ACACA: variants seen among roughly 807,000 people sequenced by gnomAD.
ACACA encodes the protein acetyl-CoA carboxylase 1.
A neutral mutation model predicts 296.1 loss-of-function variants in ACACA; 103 were observed. The ratio of observed to expected loss-of-function variants is 0.35; its 90% CI spans 0.30 to 0.41. The LOEUF (loss-of-function observed/expected upper bound fraction) is 0.41, where lower values mean the gene tolerates loss of function less well. Ranked by LOEUF, ACACA falls within the 10% of genes least tolerant of loss-of-function variation. ACACA has a pLI of 1.00. For synonymous variants in ACACA, 953 were observed against 1,038.6 expected (o/e 0.92, Z 1.58); for missense variants, 1,554 against 2,989.7 (o/e 0.52, Z 11.20).
intron 15 of ACACA, 104 bp downstream of exon 15, chr17:37,252,781 GA>G: frequency 6.7e-7 from 1 of 1,486,754 alleles, no homozygotes; most frequent in Non-Finnish European, 9.3e-7. Context: ...GGTAGATCAA[GA>G]ACCATTTACA....
intron 7 of ACACA, 143 bp from the exon 8 acceptor site, chr17:37,276,192 G>A (rs1238649870): frequency 2.0e-5 from 14 of 699,008 alleles, no homozygotes; most frequent in Non-Finnish European, 2.8e-5. Context: ...CATAAATTAT[G>A]GGGACTATTA....
chr17:37,098,792 C>A (rs1409959620), intron 52 of ACACA, among the ~76,000 whole-genome samples: 1 of 152,238 alleles, frequency 6.6e-6, no homozygotes, highest in Admixed American at 6.5e-5. Context: ...CCTGACTCAA[C>A]AGACAGGAGA....
chr17:37,170,118 C>A (rs2076830590), intron 41 of ACACA, among the ~76,000 whole-genome samples: 1 of 151,906 alleles, frequency 6.6e-6, no homozygotes, highest in Admixed American at 6.6e-5. Flanking sequence ...TTCCAACGAG[C>A]AGGTTTATTA....
chr17:37,265,356 A>G (rs1243952977), intron 10 of ACACA, among the ~76,000 whole-genome samples: 1 of 152,084 alleles, frequency 6.6e-6, no homozygotes, highest in Non-Finnish European at 1.5e-5. Context: ...TACCTCCCAC[A>G]TGCAAAATAG....
At chr17:37,104,061 G>T (rs949679183) in intron 52 of ACACA, among the ~76,000 whole-genome samples, 3 of 152,116 alleles carry the variant, frequency 2.0e-5, no homozygotes, top group African/African-American at 7.2e-5. Flanking sequence ...GGCCACATTG[G>T]AAGAAGAAGA....
intron 1 of ACACA, among the ~76,000 whole-genome samples, chr17:37,370,385 G>A (rs1300481582): frequency 6.6e-6 from 1 of 150,536 alleles, no homozygotes; most frequent in Admixed American, 6.7e-5. Context: ...GGTGGCTCAC[G>A]CCTGTAATCC....
chr17:37,132,093 A>G (rs2075125974), intron 45 of ACACA, among the ~76,000 whole-genome samples: 1 of 152,196 alleles, frequency 6.6e-6, no homozygotes, highest in South Asian at 2.1e-4. Context: ...TGCTGAGTCC[A>G]TATTACTAAT....
chr17:37,247,971 A>G, intron 18 of ACACA, 40 bp downstream of exon 18: 1 of 1,613,262 alleles, frequency 6.2e-7, no homozygotes, highest in Admixed American at 1.7e-5. Context: ...AGAAAAGGCT[A>G]ACAGGATGAC....
intron 26 of ACACA, chr17:37,225,364 A>G: frequency 2.3e-6 from 1 of 439,894 alleles, no homozygotes; most frequent in Non-Finnish European, 4.2e-6. Context: ...GAGAGAAAAC[A>G]GCTTCGATCA....
chr17:37,329,438 G>C (rs1035258057), intron 3 of ACACA, among the ~76,000 whole-genome samples: 1 of 152,002 alleles, frequency 6.6e-6, no homozygotes, highest in Non-Finnish European at 1.5e-5. Context: ...TCAGGAATTC[G>C]AGACCAGCCT....
At chr17:37,346,599 G>T (rs1256636025) in intron 1 of ACACA, among the ~76,000 whole-genome samples, 2 of 151,442 alleles carry the variant, frequency 1.3e-5, no homozygotes, top group Non-Finnish European at 2.9e-5. Flanking sequence ...CTACTCAGGA[G>T]GCTGAGGCAG....
At position 37,382,382 on chromosome 17, in the gene ACACA, G is replaced by A. The variant is rs534796493; in HGVS notation, c.38+23880C>T. 1.2e-3 allele frequency among the ~76,000 whole-genome samples: 173 copies of A among 150,042 alleles called. 1 individual carries two copies. In the Middle Eastern group the frequency reaches 0.014, roughly 12 times the overall value. On this transcript the variant is annotated intron_variant, in intron 1 of 55. Transcript: ENST00000616317. The stretch of plus-strand genomic sequence containing the variant: ...GTTTTTTTTTTTCTTTAGTGTAGCC[G>A]GTTCCTCTTTATAAACTGGCAGTCC...
At chr17:37,238,284 CTCTT>C (rs1178167124) in intron 24 of ACACA, among the ~76,000 whole-genome samples, 1 of 145,444 alleles carries the variant, frequency 6.9e-6, no homozygotes, top group African/African-American at 2.6e-5. Context: ...TCTTTCTTTC[CTCTT>C]TTTTTTTTTT....
chr17:37,385,327 G>C (rs2050477640), intron 1 of ACACA, among the ~76,000 whole-genome samples: 1 of 152,086 alleles, frequency 6.6e-6, no homozygotes, highest in Non-Finnish European at 1.5e-5. Context: ...ATAAAAATTA[G>C]CCGGGTGCGA....
At chr17:37,282,675 T>C (rs2082594714) in intron 5 of ACACA, among the ~76,000 whole-genome samples, 1 of 152,194 alleles carries the variant, frequency 6.6e-6, no homozygotes. Context: ...CTGTGGGTAC[T>C]CTACCTTAAG....
intron 3 of ACACA, among the ~76,000 whole-genome samples, chr17:37,291,262 A>G (rs2083052832): frequency 6.6e-6 from 1 of 151,112 alleles, no homozygotes; most frequent in East Asian, 2.0e-4. Flanking sequence ...CGCAACCTCC[A>G]CCTCCTGGGT....
Position 37,203,109 on chromosome 17 carries a change from C to G in ACACA, c.4057-2626G>C, listed in dbSNP as rs529230914. ...CCCGAGTAGCTGGCGCTACAGGCGC[C>G]CGCCACCACACCTGGCTAATTTTTG... On this transcript the variant is annotated intron_variant, in intron 33 of 55. Coordinates refer to ENST00000616317, the MANE Select transcript of ACACA (RefSeq NM_198834.3). Among the ~76,000 whole-genome samples the G allele has an allele frequency of 6.9e-3, 1,055 of 151,982 alleles. 3 individuals are homozygous for G. Among genetic ancestry groups the G allele is most frequent in the South Asian group, 0.017 (82 of 4,808 alleles).
chr17:37,186,796 G>A (rs1386535690), intron 39 of ACACA, among the ~76,000 whole-genome samples: 1 of 151,744 alleles, frequency 6.6e-6, no homozygotes, highest in Non-Finnish European at 1.5e-5. Flanking sequence ...TGTACCATGT[G>A]TAATACTAAA....
chr17:37,325,634 C>T (rs867080164), intron 3 of ACACA, among the ~76,000 whole-genome samples: 4 of 117,772 alleles, frequency 3.4e-5, no homozygotes, highest in Middle Eastern at 7.4e-3. Context: ...AGTGCAATGG[C>T]ATGATCTCGG....
Sources: gnomAD v4.1 joint callset for allele counts (sites outside exome capture counted in the v4.1 genomes callset) on GRCh38, gnomAD v4.1.1 for gene constraint, MANE v1.5 for transcripts, NCBI Gene and HGNC (gene_info 2026-07-23, HGNC 2026-07-21) for gene names.